Variants in EYS observed in about 807,000 individuals in gnomAD.
The protein encoded by EYS is EGF-like photoreceptor maintenance factor.
Under a neutral mutation model 282.1 loss-of-function variants are expected in EYS, and 250 were observed. The observed-to-expected ratio is 0.89, with a 90% CI of 0.80 to 0.98. The LOEUF (loss-of-function observed/expected upper bound fraction) is 0.98, where lower values mean the gene tolerates loss of function less well. Ranked by LOEUF, EYS falls within the 50% of genes least tolerant of loss-of-function variation. The pLI is 0.00. For missense variants in EYS, 4,016 were observed against 3,709.0 expected (o/e 1.08, Z -2.15); for synonymous variants, 1,355 against 1,282.9 (o/e 1.06, Z -1.20).
intron 31 of EYS, among the ~76,000 whole-genome samples, chr6:64,220,846 T>G (rs1299643431): frequency 6.6e-6 from 1 of 152,160 alleles, no homozygotes; most frequent in African/African-American, 2.4e-5. Context: ...CAATCTCAAT[T>G]CCAGAATTTA....
At chr6:64,818,137 G>T (rs980537823) in intron 21 of EYS, among the ~76,000 whole-genome samples, 4 of 152,030 alleles carry the variant, frequency 2.6e-5, no homozygotes, top group Non-Finnish European at 5.9e-5. Context: ...TGGTGCATGA[G>T]AAAGATACAT....
intron 35 of EYS, among the ~76,000 whole-genome samples, chr6:63,943,829 C>T (rs185328047): frequency 6.6e-6 from 1 of 152,276 alleles, no homozygotes; most frequent in Admixed American, 6.5e-5. Context: ...TACCTAGTTT[C>T]CTTTGTTTGT....
chr6:64,476,406 C>T (rs530626683), intron 26 of EYS, among the ~76,000 whole-genome samples: 2 of 151,914 alleles, frequency 1.3e-5, no homozygotes, highest in South Asian at 4.2e-4. Flanking sequence ...TCTCCACTTC[C>T]AGATTTAGAG....
rs574777620 is a variant in EYS, at chr6:64,064,980, C to A, written c.6725+1358G>T. 3.9e-5 allele frequency among the ~76,000 whole-genome samples: 6 copies of A among 152,182 alleles called. No individual in the cohort carries two copies. The South Asian group carries it at 1.2e-3, about 32-fold the overall frequency. The stretch of plus-strand genomic sequence containing the variant: ...AGAACTCAGTGTTGCAAAGGGTATA[C>A]GTAATTTACAAATAATGATTTCATT... On this transcript the variant is annotated intron_variant, in intron 33 of 42. Coordinates refer to ENST00000503581, the MANE Select transcript of EYS (RefSeq NM_001142800.2).
At chr6:63,788,064 T>G in intron 39 of EYS, 41 bp downstream of exon 39, 1 of 1,422,062 alleles carries the variant, frequency 7.0e-7, no homozygotes, top group Non-Finnish European at 9.4e-7. Flanking sequence ...CCTCAACATT[T>G]GAAATAAGTA....
At chr6:64,330,878 G>A (rs1770620921) in intron 29 of EYS, among the ~76,000 whole-genome samples, 1 of 152,148 alleles carries the variant, frequency 6.6e-6, no homozygotes, top group South Asian at 2.1e-4. Flanking sequence ...CAATACAGTG[G>A]GTGGAGCATG....
intron 9 of EYS, among the ~76,000 whole-genome samples, chr6:65,347,746 T>C (rs1187668126): frequency 6.6e-6 from 1 of 151,694 alleles, no homozygotes; most frequent in Admixed American, 6.6e-5. Flanking sequence ...TTATATTCTT[T>C]TAATTACTTA....
chr6:64,402,893 C>T (rs950632266), intron 28 of EYS, among the ~76,000 whole-genome samples: 1 of 152,080 alleles, frequency 6.6e-6, no homozygotes, highest in African/African-American at 2.4e-5. Flanking sequence ...GAAAGGACTG[C>T]TAGAACTTCA....
chr6:65,588,682 C>G (rs1458710255), intron 2 of EYS, among the ~76,000 whole-genome samples: 1 of 152,024 alleles, frequency 6.6e-6, no homozygotes. Flanking sequence ...AAGGGATGGG[C>G]TCCTCTGGGA....
At chr6:63,926,341 C>G (rs1054995240) in intron 35 of EYS, among the ~76,000 whole-genome samples, 7 of 152,192 alleles carry the variant, frequency 4.6e-5, no homozygotes, top group African/African-American at 1.7e-4. Context: ...CTATAATGGT[C>G]TAGCAGGAAG....
chr6:63,900,382 G>A (rs1773629693), intron 35 of EYS, among the ~76,000 whole-genome samples: 1 of 152,194 alleles, frequency 6.6e-6, no homozygotes, highest in Non-Finnish European at 1.5e-5. Flanking sequence ...GAGGGGGTGT[G>A]AAGTCCAAGA....
intron 31 of EYS, among the ~76,000 whole-genome samples, chr6:64,095,119 C>G (rs943965246): frequency 3.3e-5 from 5 of 152,218 alleles, no homozygotes; most frequent in African/African-American, 9.6e-5. Flanking sequence ...GTCTGAGAGA[C>G]AGTTTGTTAT....
At chr6:65,659,432 C>T (rs889003671) in intron 1 of EYS, among the ~76,000 whole-genome samples, 1 of 151,626 alleles carries the variant, frequency 6.6e-6, no homozygotes, top group African/African-American at 2.4e-5. Context: ...AATAAGGAAT[C>T]CTATGCTAAA....
chr6:65,315,219 A>G, intron 11 of EYS, among the ~76,000 whole-genome samples: 1 of 152,254 alleles, frequency 6.6e-6, no homozygotes, highest in East Asian at 1.9e-4. Context: ...ATTCATAGAC[A>G]TTCTAATTTT....
At chr6:64,570,193 A>C (rs1765681868) in intron 26 of EYS, among the ~76,000 whole-genome samples, 1 of 152,220 alleles carries the variant, frequency 6.6e-6, no homozygotes, top group African/African-American at 2.4e-5. Context: ...AGCCAAACTA[A>C]GCTTCACAAG....
chr6:65,205,437 T>C (rs1473264628), intron 12 of EYS, among the ~76,000 whole-genome samples: 1 of 151,804 alleles, frequency 6.6e-6, no homozygotes, highest in Non-Finnish European at 1.5e-5. Flanking sequence ...GAAAAGAGAT[T>C]AATAGCAATA....
chr6:65,493,197 G>A (rs1057276477), intron 4 of EYS, among the ~76,000 whole-genome samples: 1 of 152,188 alleles, frequency 6.6e-6, no homozygotes, highest in Non-Finnish European at 1.5e-5. Context: ...TTATAGGCAT[G>A]AGCCGCCTCC....
chr6:64,347,920 C>T (rs1771471865), intron 29 of EYS, among the ~76,000 whole-genome samples: 1 of 151,480 alleles, frequency 6.6e-6, no homozygotes, highest in South Asian at 2.1e-4. Flanking sequence ...ATTTTACTCT[C>T]AACCTCTACT....
At chr6:64,380,516 C>T (rs1772708409) in intron 29 of EYS, among the ~76,000 whole-genome samples, 1 of 152,052 alleles carries the variant, frequency 6.6e-6, no homozygotes, top group African/African-American at 2.4e-5. Context: ...GAAATATAAA[C>T]TTAGATACAA....
Sources: gnomAD v4.1 joint callset for allele counts (sites outside exome capture counted in the v4.1 genomes callset) on GRCh38, gnomAD v4.1.1 for gene constraint, MANE v1.5 for transcripts, NCBI Gene and HGNC (gene_info 2026-07-23, HGNC 2026-07-21) for gene names.